KLHDC4: variants seen among roughly 807,000 people sequenced by gnomAD.
The protein encoded by KLHDC4 is kelch domain-containing protein 4.
A neutral mutation model predicts 62.4 loss-of-function variants in KLHDC4; 90 were observed. The observed-to-expected ratio is 1.44, with a 90% confidence interval of 1.22 to 1.72. KLHDC4 has a LOEUF of 1.72. Among genes scored for constraint, KLHDC4 ranks in the 40% most tolerant of loss-of-function variants. The pLI is 0.00. For missense variants in KLHDC4, 1,025 were observed against 699.7 expected (o/e 1.47, Z -5.25); for synonymous variants, 386 against 284.4 (o/e 1.36, Z -3.59).
intron 1 of KLHDC4, chr16:87,765,333 T>C (rs760764099): frequency 2.6e-5 from 12 of 456,954 alleles, no homozygotes; most frequent in South Asian, 1.7e-4. Context: ...GTGATGATTA[T>C]TTGCCCTCTT....
intron 7 of KLHDC4, among the ~76,000 whole-genome samples, chr16:87,720,027 G>A (rs1056642934): frequency 1.3e-5 from 2 of 152,190 alleles, no homozygotes; most frequent in African/African-American, 2.4e-5. Flanking sequence ...AGAAGTACAG[G>A]CCACTTAGCT....
intron 6 of KLHDC4, chr16:87,729,218 G>A (rs13339286): frequency 0.15 from 22,273 of 152,224 alleles, 1,899 homozygotes; most frequent in East Asian, 0.22. Context: ...GGCTGGGCGC[G>A]GTGGCTTACG....
At chr16:87,701,355 G>C (rs565852558) in exon 1 of KLHDC4, 1 of 314,816 alleles carries the variant, frequency 3.2e-6, no homozygotes, top group East Asian at 7.8e-5. Context: ...ATACTGTGGA[G>C]AGAAGCTGAA....
intron 6 of KLHDC4, among the ~76,000 whole-genome samples, chr16:87,729,778 G>A (rs1039393873): frequency 3.3e-5 from 5 of 152,160 alleles, no homozygotes; most frequent in Admixed American, 2.6e-4. Context: ...TTACAGACCC[G>A]TGGCTCTCAA....
At chr16:87,745,680 G>A (rs1453124809) in intron 5 of KLHDC4, among the ~76,000 whole-genome samples, 6 of 152,190 alleles carry the variant, frequency 3.9e-5, no homozygotes, top group Admixed American at 2.0e-4. Context: ...TCTTCAAGAC[G>A]ACATTGGGGC....
At position 87,711,263 on chromosome 16, in the gene KLHDC4, C is replaced by G; in HGVS notation, c.1016G>C (p.Arg339Thr). The G allele has an allele frequency of 6.2e-7, 1 of 1,614,164 alleles. No individual in the cohort carries two copies. Among genetic ancestry groups the G allele is most frequent in the Non-Finnish European group, 8.5e-7 (1 of 1,180,040 alleles). The part of the protein sequence containing the change: ...FNDLYFYDAT[R>T]NRWFEGQLKG... ...CAGCTGTCCCTCAAACCAACGGTTC[C>G]TGGTGGCGTCGTAGAAGTACAGATC... Residue 339 changes from arginine to threonine, a missense_variant, in exon 9 of 12, where the codon AGG (arginine) becomes ACG (threonine). Transcript: ENST00000270583.
chr16:87,698,266 AAT>A (rs1168510780), exon 1 of KLHDC4: 7 of 152,264 alleles, frequency 4.6e-5, no homozygotes, highest in African/African-American at 1.7e-4. Context: ...CATTTCTGAT[AAT>A]GTCGCTTTCT....
downstream of KLHDC4, among the ~76,000 whole-genome samples, chr16:87,705,308 G>T (rs2034534304): frequency 6.6e-6 from 1 of 152,266 alleles, no homozygotes; most frequent in Admixed American, 6.5e-5. Context: ...CAGACCACAG[G>T]CCCGTGGGGC....
intron 7 of KLHDC4, among the ~76,000 whole-genome samples, chr16:87,720,145 C>A (rs375023648): frequency 4.1e-4 from 63 of 152,320 alleles, no homozygotes; most frequent in African/African-American, 1.4e-3. Flanking sequence ...AGGGCCGCCC[C>A]AAGGACCCCG....
At chr16:87,759,123 T>A (rs560714626) in intron 2 of KLHDC4, among the ~76,000 whole-genome samples, 1 of 152,082 alleles carries the variant, frequency 6.6e-6, no homozygotes, top group East Asian at 1.9e-4. Flanking sequence ...GGTGAGCCGA[T>A]ATCATACCAT....
At chr16:87,722,555 C>G (rs1237836726) in intron 7 of KLHDC4, among the ~76,000 whole-genome samples, 1 of 152,244 alleles carries the variant, frequency 6.6e-6, no homozygotes, top group Non-Finnish European at 1.5e-5. Context: ...ACTGTCCAGG[C>G]ACCAGGCACG....
intron 6 of KLHDC4, 95 bp downstream of exon 6, chr16:87,730,457 G>A (rs2040147433): frequency 9.7e-7 from 1 of 1,032,300 alleles, no homozygotes; most frequent in Non-Finnish European, 1.4e-6. Flanking sequence ...GGGAGGATGG[G>A]TGCGTCTTTC....
intron 5 of KLHDC4, among the ~76,000 whole-genome samples, chr16:87,745,351 C>T (rs1411871361): frequency 6.6e-6 from 1 of 152,146 alleles, no homozygotes; most frequent in African/African-American, 2.4e-5. Flanking sequence ...ACTGCTCTCG[C>T]AGCACCCGCC....
chr16:87,733,176 C>G (rs2040695089), intron 5 of KLHDC4, among the ~76,000 whole-genome samples: 1 of 152,172 alleles, frequency 6.6e-6, no homozygotes, highest in African/African-American at 2.4e-5. Context: ...GGTGAAAAGG[C>G]AGGTGCAAAG....
intron 4 of KLHDC4, among the ~76,000 whole-genome samples, chr16:87,752,943 G>C (rs1286023922): frequency 6.6e-6 from 1 of 152,214 alleles, no homozygotes; most frequent in Non-Finnish European, 1.5e-5. Flanking sequence ...CCAGACAACA[G>C]GAAGCGGGAA....
At chr16:87,708,561 C>A (rs1403614441) in intron 10 of KLHDC4, 95 bp from the exon 11 acceptor site, 4 of 793,932 alleles carry the variant, frequency 5.0e-6, no homozygotes, top group Middle Eastern at 5.0e-4. Context: ...GGGGGGATTC[C>A]ATTTTCTTAA....
intron 10 of KLHDC4, among the ~76,000 whole-genome samples, 183 bp downstream of exon 10, chr16:87,709,082 G>A (rs927921133): frequency 6.6e-6 from 1 of 152,270 alleles, no homozygotes; most frequent in African/African-American, 2.4e-5. Context: ...TGCCCAGGGT[G>A]GGCCCCCCTT....
At chr16:87,763,817 G>A (rs1382586222) in intron 1 of KLHDC4, among the ~76,000 whole-genome samples, 1 of 152,200 alleles carries the variant, frequency 6.6e-6, no homozygotes, top group African/African-American at 2.4e-5. Context: ...GGTAGGGTCT[G>A]GGTGACGCCA....
chr16:87,733,641 CGCCTCCT>C (rs2040789783), intron 5 of KLHDC4, among the ~76,000 whole-genome samples: 2 of 141,866 alleles, frequency 1.4e-5, no homozygotes, highest in East Asian at 2.2e-4. Flanking sequence ...TGACCTGCCT[CGCCTCCT>C]ACTTAGGAAT....
Sources: allele counts gnomAD v4.1 joint callset (sites outside exome capture counted in the v4.1 genomes callset), GRCh38; gene constraint gnomAD v4.1.1; transcripts MANE v1.5; gene names NCBI Gene and HGNC (gene_info 2026-07-23, HGNC 2026-07-21).